USP43: variants seen among roughly 807,000 people sequenced by gnomAD.
The protein encoded by USP43 is ubiquitin carboxyl-terminal hydrolase 43.
Under a neutral mutation model 90.7 loss-of-function variants are expected in USP43, and 33 were observed. The observed-to-expected ratio is 0.36, with a 90% CI of 0.28 to 0.49. The LOEUF is 0.49. USP43 is among the 20% of genes least tolerant of loss of function. The probability of loss-of-function intolerance (pLI) is 0.98; values close to 1 mark genes in which losing one functional copy is unlikely to be tolerated. For missense variants in USP43, 1,274 were observed against 1,476.4 expected (o/e 0.86, Z 2.25); for synonymous variants, 598 against 615.8 (o/e 0.97, Z 0.43).
chr17:9,654,609 A>G (rs1045991051), intron 1 of USP43, among the ~76,000 whole-genome samples: 1 of 149,756 alleles, frequency 6.7e-6, no homozygotes, highest in South Asian at 2.2e-4. Context: ...AGATCATGCC[A>G]TTGCACTCTA....
Position 9,684,735 on chromosome 17 carries a change from C to A in USP43, c.1241+1777C>A, listed in dbSNP as rs948139830. On this transcript the variant is annotated intron_variant, in intron 7 of 14. Coordinates refer to ENST00000285199, the MANE Select transcript of USP43 (RefSeq NM_153210.5). Reference sequence around the variant, plus strand: ...CCGAGATTGTGCCACTGCACTCCAGCCTGGGCAACAAGAGTGAAACTCCAT... The same window carrying A: ...CCGAGATTGTGCCACTGCACTCCAGACTGGGCAACAAGAGTGAAACTCCAT... 2.8e-5 allele frequency among the ~76,000 whole-genome samples: 4 copies of A among 143,714 alleles called. No individual in the cohort carries two copies. In the Admixed American group the frequency reaches 2.8e-4, roughly 10 times the overall value. 94.3% of individuals were successfully genotyped at this position (143,714 alleles called of 152,430 possible).
rs1053901223 is a variant in USP43, at chr17:9,709,873, G to A, written c.2012-83G>A. 38 of 1,316,016 alleles carry A rather than the reference G, an allele frequency of 2.9e-5. No homozygotes were observed. The highest frequency in any genetic ancestry group is 3.4e-5 in the Non-Finnish European group (35 of 1,020,018). The allele number at this position is 1,316,016 out of a possible 1,614,324, so 81.5% of individuals were successfully genotyped here. A position where few individuals can be genotyped will look rare whatever the true frequency, so the allele number is the denominator to read the frequency against. ...TTTCTCATTCTGGTTTAAACATACC[G>A]CTTTTTCAGCTATGCCAGTGGGAAA... is the stretch of plus-strand genomic sequence containing the variant. On this transcript the variant is annotated intron_variant, in intron 12 of 14. Transcript: ENST00000285199. This position sits in a 1 kb window ranked among gnomAD's most constrained non-coding sequence, Gnocchi z 5.0.
intron 2 of USP43, among the ~76,000 whole-genome samples, chr17:9,665,045 G>A (rs140610995): frequency 2.0e-5 from 3 of 152,270 alleles, no homozygotes; most frequent in Non-Finnish European, 4.4e-5. Context: ...AGAAATTTTG[G>A]CATAACAGGG....
intron 3 of USP43, among the ~76,000 whole-genome samples, chr17:9,672,060 G>T (rs763571775): frequency 6.6e-6 from 1 of 152,000 alleles, no homozygotes; most frequent in African/African-American, 2.4e-5. Flanking sequence ...GCAATGGCGC[G>T]ATCTCAGCTC....
At chr17:9,726,595 C>T (rs1830197532) in intron 14 of USP43, among the ~76,000 whole-genome samples, 1 of 152,154 alleles carries the variant, frequency 6.6e-6, no homozygotes, top group Non-Finnish European at 1.5e-5. Context: ...CTTAGAAGGT[C>T]ACTAATCCCA....
chr17:9,691,167 T>C (rs9889764), intron 8 of USP43, among the ~76,000 whole-genome samples: 2,571 of 151,076 alleles, frequency 0.017, 79 homozygotes, highest in African/African-American at 0.059. Context: ...CAGGCTGGAG[T>C]GCAATGGCGT....
chr17:9,726,902 C>T (rs1168783723), intron 14 of USP43, among the ~76,000 whole-genome samples: 1 of 152,124 alleles, frequency 6.6e-6, no homozygotes, highest in African/African-American at 2.4e-5. Flanking sequence ...ATTTCTTTCT[C>T]AATGATTGCA....
At chr17:9,666,881 C>G in intron 3 of USP43, 130 bp downstream of exon 3, 1 of 708,052 alleles carries the variant, frequency 1.4e-6, no homozygotes, top group South Asian at 1.7e-5. Flanking sequence ...CCTTCTCTCT[C>G]CCATTATAAA....
Position 9,701,514 on chromosome 17 carries a change from C to G in USP43, c.1825C>G (p.Pro609Ala), listed in dbSNP as rs1223088483. ...CAAGCTCTCCACGCTGGTGAAGTTT[C>G]CGCTCTCTGGACTCAACATGGCTCC... is the stretch of plus-strand genomic sequence containing the variant. The part of the protein sequence containing the change: ...RNKLSTLVKF[P>A]LSGLNMAPHV... The change falls in exon 12 of 15, where the codon CCG becomes GCG. Residue 609 changes from proline (P) to alanine (A), a missense_variant. Pro to Ala is a conservative substitution (Grantham distance 27). This residue lies in a region of USP43 where 285 missense variants were observed against 349.6 expected (regional missense o/e 0.82). Transcript: ENST00000285199. This position sits in a 1 kb window ranked among gnomAD's most constrained non-coding sequence, Gnocchi z 7.2. 1.3e-6 allele frequency: 2 copies of G among 1,567,036 alleles called. No individual in the cohort carries two copies. Among genetic ancestry groups the G allele is most frequent in the Admixed American group, 3.8e-5 (2 of 52,420 alleles).
chr17:9,710,207 G>GA, intron 13 of USP43, 93 bp downstream of exon 13: 2 of 1,313,708 alleles, frequency 1.5e-6, no homozygotes, highest in Non-Finnish European at 2.0e-6. Flanking sequence ...ACCAGGAGAG[G>GA]TTGGCAAGGA....
At position 9,659,175 on chromosome 17, in the gene USP43, A is replaced by T. The variant is rs557652577; in HGVS notation, c.636+2641A>T. Among the ~76,000 whole-genome samples the T allele has an allele frequency of 1.8e-4, 27 of 152,346 alleles. 2 individuals are homozygous for T. The highest frequency in any genetic ancestry group is 2.1e-4 in the South Asian group (1 of 4,830). On this transcript the variant is annotated intron_variant, in intron 2 of 14. Coordinates refer to ENST00000285199, the MANE Select transcript of USP43 (RefSeq NM_153210.5). Reference sequence around the variant, plus strand: ...TATTCCACAAGTTTATAGTGAACACATTTTGAAATCAGAAGGATATATTTT... The same window carrying T: ...TATTCCACAAGTTTATAGTGAACACTTTTTGAAATCAGAAGGATATATTTT...
intron 1 of USP43, among the ~76,000 whole-genome samples, chr17:9,652,225 A>AAAAAG (rs1555546557): frequency 6.0e-4 from 90 of 149,210 alleles, no homozygotes; most frequent in African/African-American, 2.0e-3. Flanking sequence ...AAAAAAAAAA[A>AAAAAG]AAAAGAAAAG....
At chr17:9,673,369 C>T (rs920540993) in intron 3 of USP43, among the ~76,000 whole-genome samples, 1 of 151,970 alleles carries the variant, frequency 6.6e-6, no homozygotes, top group African/African-American at 2.4e-5. Context: ...ATTAGCCGGG[C>T]GTGGTGGCAG....
In USP43 at chr17:9,649,994, G is replaced by A. The variant is rs1338526483; in HGVS notation, c.504+3858G>A. 1.1e-4 allele frequency among the ~76,000 whole-genome samples: 17 copies of A among 152,108 alleles called. 1 individual carries two copies. The highest frequency in any genetic ancestry group is 1.5e-5 in the Non-Finnish European group (1 of 68,028). On this transcript the variant is annotated intron_variant, in intron 1 of 14. Transcript: ENST00000285199. ...AATTTATATTAGCTTATGTGCTTAAGCATCAATTTTAGATCTACAGTGATA... is the reference window on the plus strand; with the variant it reads ...AATTTATATTAGCTTATGTGCTTAAACATCAATTTTAGATCTACAGTGATA...
chr17:9,717,328 G>A (rs1338017113), intron 14 of USP43, among the ~76,000 whole-genome samples: 1 of 151,628 alleles, frequency 6.6e-6, no homozygotes, highest in East Asian at 1.9e-4. Context: ...TTTCTGTTGG[G>A]TGTATACTTA....
At position 9,693,159 on chromosome 17, in the gene USP43, G is replaced by A. The variant is rs370731197; in HGVS notation, c.1386G>A (p.Val462=). 4 of 1,613,604 alleles carry A rather than the reference G, an allele frequency of 2.5e-6. No individual in the cohort carries two copies. The African/African-American group carries it at 5.3e-5, about 22-fold the overall frequency. ...GGTCTCTGTTCTCCATCCGTGTTGT[G>A]GGACTCTCTGTGGCCTGCAGCTATT... ...NLGSLFSIRV[V]GLSVACSYLS... The change falls in exon 9 of 15, where the codon GTG becomes GTA. Residue 462 remains valine (V), a synonymous_variant. Transcript: ENST00000285199.
At chr17:9,667,788 A>C (rs1913139642) in intron 3 of USP43, among the ~76,000 whole-genome samples, 1 of 152,080 alleles carries the variant, frequency 6.6e-6, no homozygotes, top group African/African-American at 2.4e-5. Context: ...GTGTGTGTGC[A>C]TGTGTGCGTG....
chr17:9,650,621 T>C (rs1212322928), intron 1 of USP43, among the ~76,000 whole-genome samples: 3 of 152,152 alleles, frequency 2.0e-5, no homozygotes, highest in Non-Finnish European at 4.4e-5. Flanking sequence ...CATGCTGGTC[T>C]CAAACGCCTG....
At chr17:9,697,590 T>C (rs549508522) in intron 9 of USP43, among the ~76,000 whole-genome samples, 25 of 152,222 alleles carry the variant, frequency 1.6e-4, no homozygotes, top group Non-Finnish European at 3.1e-4. Flanking sequence ...TGGTATTTGA[T>C]TTTCTGTTTC....
Sources: allele counts gnomAD v4.1 joint callset (sites outside exome capture counted in the v4.1 genomes callset), GRCh38; gene constraint gnomAD v4.1.1; regional missense constraint gnomAD v4.1.1; non-coding constraint Gnocchi (gnomAD v3.1); transcripts MANE v1.5; gene names NCBI Gene and HGNC (gene_info 2026-07-23, HGNC 2026-07-21).